The following FOXJ3 variants were observed in gnomAD, a reference collection of about 807,000 sequenced individuals.
The protein encoded by FOXJ3 is forkhead box J3.
Under a neutral mutation model 76.1 loss-of-function variants are expected in FOXJ3, and 22 were observed. That is an observed-to-expected ratio of 0.29 (90% CI 0.21 to 0.41). FOXJ3 has a LOEUF of 0.41. Ranked by LOEUF, FOXJ3 falls within the 10% of genes least tolerant of loss-of-function variation. The probability of loss-of-function intolerance (pLI) is 1.00; values close to 1 mark genes in which losing one functional copy is unlikely to be tolerated. For synonymous variants in FOXJ3, 269 were observed against 261.2 expected (o/e 1.03, Z -0.29); for missense variants, 613 against 762.1 (o/e 0.80, Z 2.30).
intron 8 of FOXJ3, among the ~76,000 whole-genome samples, chr1:42,193,061 C>T (rs527549827): frequency 6.6e-6 from 1 of 152,094 alleles, no homozygotes; most frequent in South Asian, 2.1e-4. Flanking sequence ...TGATCTGTAT[C>T]AACATTTTCA....
At chr1:42,314,030 G>T (rs961608817) in intron 1 of FOXJ3, among the ~76,000 whole-genome samples, 3 of 151,978 alleles carry the variant, frequency 2.0e-5, no homozygotes, top group Non-Finnish European at 4.4e-5. Context: ...TTCCTTCCTG[G>T]ATAAAATGGC....
chr1:42,313,194 G>C (rs1966214), intron 1 of FOXJ3, among the ~76,000 whole-genome samples: 1 of 151,846 alleles, frequency 6.6e-6, no homozygotes, highest in Non-Finnish European at 1.5e-5. Context: ...AAATTTAGCC[G>C]GGCATGGTGG....
At chr1:42,289,746 T>C (rs1653296555) in intron 2 of FOXJ3, among the ~76,000 whole-genome samples, 1 of 152,110 alleles carries the variant, frequency 6.6e-6, no homozygotes, top group Non-Finnish European at 1.5e-5. Context: ...AAATAATAAA[T>C]ATTACAGACC....
chr1:42,211,758 G>A (rs1646969596), intron 5 of FOXJ3, among the ~76,000 whole-genome samples: 2 of 152,112 alleles, frequency 1.3e-5, no homozygotes, highest in Admixed American at 6.5e-5. Flanking sequence ...ACTACAACCA[G>A]CATCTGAGAA....
At position 42,183,316 on chromosome 1, in the gene FOXJ3, G is replaced by A. The variant is rs1438681946; in HGVS notation, c.1646-1292C>T. On this transcript the variant is annotated intron_variant, in intron 11 of 12. Transcript: ENST00000361346. ...GAGGGGGCGGGGCGGGGTGGGGGAG[G>A]GGAGGGGAGGGGAGGGGAGGGGAGG... is the stretch of plus-strand genomic sequence containing the variant. 3.7e-4 allele frequency among the ~76,000 whole-genome samples: 3 copies of A among 8,122 alleles called. No homozygotes were observed. The East Asian group carries it at 0.015, about 41-fold the overall frequency. 5.3% of individuals were successfully genotyped at this position (8,122 alleles called of 152,430 possible).
At chr1:42,215,807 C>T (rs1333422475) in intron 5 of FOXJ3, among the ~76,000 whole-genome samples, 1 of 151,958 alleles carries the variant, frequency 6.6e-6, no homozygotes, top group Admixed American at 6.6e-5. Context: ...CTTTAAAGTG[C>T]TAAAATAAAA....
Position 42,265,124 on chromosome 1 carries a change from G to C in FOXJ3, c.435C>G (p.Asp145Glu). The C allele has an allele frequency of 6.4e-7, 1 of 1,572,392 alleles. No individual in the cohort carries two copies. The highest frequency in any genetic ancestry group is 8.7e-7 in the Non-Finnish European group (1 of 1,143,042). The change falls in exon 4 of 13, where the codon GAC becomes GAG. Residue 145 changes from aspartate (D) to glutamate (E), a missense_variant. Transcript: ENST00000361346. ...CFLKVPRSKDDPGKGSYWAID... is the reference protein window; with the variant it reads ...CFLKVPRSKDEPGKGSYWAID... ...AGAAGATGAATCCTACCTTTCCAGG[G>C]TCATCCTTAGATCGAGGCACTTTAA...
chr1:42,297,523 TAC>T (rs941995155), intron 2 of FOXJ3, among the ~76,000 whole-genome samples: 1 of 152,234 alleles, frequency 6.6e-6, no homozygotes, highest in African/African-American at 2.4e-5. Context: ...GAGATAATCA[TAC>T]AGTTTTGGGG....
intron 3 of FOXJ3, 89 bp from the exon 4 acceptor site, chr1:42,265,278 T>C: frequency 1.5e-6 from 1 of 654,502 alleles, no homozygotes; most frequent in Non-Finnish European, 2.6e-6. Context: ...CTAAACATCT[T>C]TATGCTTTGC....
chr1:42,291,933 C>T (rs1449099334), intron 2 of FOXJ3, among the ~76,000 whole-genome samples: 1 of 151,950 alleles, frequency 6.6e-6, no homozygotes, highest in African/African-American at 2.4e-5. Flanking sequence ...TCAGAGGAGC[C>T]GAGGGCAGGA....
At chr1:42,326,468 T>G (rs937193084) in intron 1 of FOXJ3, among the ~76,000 whole-genome samples, 1 of 152,184 alleles carries the variant, frequency 6.6e-6, no homozygotes, top group Non-Finnish European at 1.5e-5. Flanking sequence ...TATATACTGT[T>G]ACTCTTCCCA....
chr1:42,272,025 T>C (rs1242548126), intron 3 of FOXJ3, among the ~76,000 whole-genome samples: 2 of 152,210 alleles, frequency 1.3e-5, no homozygotes, highest in Non-Finnish European at 2.9e-5. Context: ...AAAGAGGTAT[T>C]TTTAATATGT....
At chr1:42,262,815 C>T (rs959882133) in intron 4 of FOXJ3, among the ~76,000 whole-genome samples, 2 of 152,198 alleles carry the variant, frequency 1.3e-5, no homozygotes, top group Non-Finnish European at 2.9e-5. Flanking sequence ...CACCACTGCA[C>T]TCCAGCCTGG....
intron 8 of FOXJ3, 98 bp from the exon 9 acceptor site, chr1:42,191,817 G>A (rs1359375095): frequency 1.6e-6 from 2 of 1,267,190 alleles, no homozygotes; most frequent in African/African-American, 3.0e-5. Flanking sequence ...ATGATGCCAG[G>A]AAGCAACACT....
In FOXJ3 at chr1:42,310,910, G is replaced by A. The variant is rs1281585793; in HGVS notation, c.44+140C>T. 3.2e-5 allele frequency: 17 copies of A among 539,042 alleles called. No homozygotes were observed. The South Asian group carries it at 4.1e-4, about 13-fold the overall frequency. The allele number at this position is 539,042 out of a possible 1,614,324, so 33.4% of individuals were successfully genotyped here. On this transcript the variant is annotated intron_variant, in intron 2 of 12. Coordinates refer to ENST00000361346, the MANE Select transcript of FOXJ3 (RefSeq NM_014947.5). ...GTAAGCAGAAATATCATTCCATTCC[G>A]CCAAATTGCACTACTTGACAAAACA... is the stretch of plus-strand genomic sequence containing the variant.
chr1:42,237,459 T>C (rs1330539531), intron 4 of FOXJ3, among the ~76,000 whole-genome samples: 2 of 146,094 alleles, frequency 1.4e-5, no homozygotes, highest in Non-Finnish European at 3.0e-5. Flanking sequence ...TACACATACA[T>C]ACATATACAT....
chr1:42,265,593 G>A (rs981262764), intron 3 of FOXJ3, among the ~76,000 whole-genome samples: 3 of 152,090 alleles, frequency 2.0e-5, no homozygotes, highest in Non-Finnish European at 2.9e-5. Flanking sequence ...AATGCAAAAT[G>A]TAAGAAGTTA....
intron 2 of FOXJ3, among the ~76,000 whole-genome samples, chr1:42,305,547 C>A (rs7553112): frequency 2.0e-5 from 3 of 152,148 alleles, no homozygotes; most frequent in Non-Finnish European, 2.9e-5. Context: ...CATATATACA[C>A]GAGATCCTGT....
intron 2 of FOXJ3, among the ~76,000 whole-genome samples, chr1:42,286,602 TAATATG>T (rs1185066893): frequency 1.2e-4 from 19 of 152,198 alleles, no homozygotes; most frequent in African/African-American, 4.1e-4. Context: ...AAGTTAATAT[TAATATG>T]AAGTTCATAC....
Sources: gnomAD v4.1 joint callset for allele counts (sites outside exome capture counted in the v4.1 genomes callset) on GRCh38, gnomAD v4.1.1 for gene constraint, MANE v1.5 for transcripts, NCBI Gene and HGNC (gene_info 2026-07-23, HGNC 2026-07-21) for gene names.